Variants in PCBP3 observed in about 807,000 individuals in gnomAD.
PCBP3 encodes poly(rC)-binding protein 3.
A neutral mutation model predicts 52.7 loss-of-function variants in PCBP3; 25 were observed. That is an observed-to-expected ratio of 0.47 (90% CI 0.35 to 0.66). The LOEUF is 0.66. Ranked by LOEUF, PCBP3 falls within the 30% of genes least tolerant of loss-of-function variation. The probability of loss-of-function intolerance (pLI) is 0.01; values close to 1 mark genes in which losing one functional copy is unlikely to be tolerated. For synonymous variants in PCBP3, 162 were observed against 183.0 expected, an observed-to-expected ratio of 0.89 and a Z score of 0.93; for missense variants, 391 against 490.3, an observed-to-expected ratio of 0.80 and a Z score of 1.91.
At chr21:45,781,040 G>A (rs776041011) in intron 4 of PCBP3, among the ~76,000 whole-genome samples, 1 of 152,156 alleles carries the variant, frequency 6.6e-6, no homozygotes, top group Non-Finnish European at 1.5e-5. Context: ...TGATCACCAG[G>A]AGGCTGTGGT....
chr21:45,899,902 G>A (rs897272935), intron 7 of PCBP3, among the ~76,000 whole-genome samples: 1 of 152,178 alleles, frequency 6.6e-6, no homozygotes, highest in African/African-American at 2.4e-5. Context: ...CTTCTTTCCC[G>A]GTTGAAGACC....
intron 1 of PCBP3, among the ~76,000 whole-genome samples, chr21:45,668,025 A>G (rs75056298): frequency 0.028 from 4,214 of 152,222 alleles, 188 homozygotes; most frequent in African/African-American, 0.09. Flanking sequence ...GACTTTCCCA[A>G]GAGACCCCAT....
chr21:45,644,187 T>C (rs1396731241), intron 1 of PCBP3, among the ~76,000 whole-genome samples: 1 of 151,554 alleles, frequency 6.6e-6, no homozygotes, highest in Non-Finnish European at 1.5e-5. Context: ...AGAAAACGTC[T>C]GGACTACTTG....
intron 5 of PCBP3, among the ~76,000 whole-genome samples, chr21:45,877,829 G>A (rs780940125): frequency 3.3e-5 from 5 of 152,210 alleles, no homozygotes; most frequent in Non-Finnish European, 7.3e-5. Context: ...TTTGATTCTG[G>A]TCAAATGGAG....
chr21:45,763,102 T>C (rs2838992), intron 4 of PCBP3: 27,828 of 152,238 alleles, frequency 0.18, 2,703 homozygotes, highest in Middle Eastern at 0.33. Context: ...GTTTGGTCAC[T>C]GGAGCAGCAG....
intron 3 of PCBP3, among the ~76,000 whole-genome samples, chr21:45,739,996 C>G (rs2086300526): frequency 6.6e-6 from 1 of 152,216 alleles, no homozygotes; most frequent in African/African-American, 2.4e-5. Context: ...TTGCCTAGTC[C>G]CAGCAGCACC....
At chr21:45,738,361 T>G (rs893971520) in intron 3 of PCBP3, among the ~76,000 whole-genome samples, 6 of 151,472 alleles carry the variant, frequency 4.0e-5, no homozygotes, top group African/African-American at 1.5e-4. Context: ...TTCACGCCAT[T>G]CTCCTACCTC....
At chr21:45,673,608 C>T (rs904966310) in intron 2 of PCBP3, 2 of 152,112 alleles carry the variant, frequency 1.3e-5, no homozygotes, top group African/African-American at 4.8e-5. Flanking sequence ...GAAGTGAATA[C>T]CTGGCCTGAG....
chr21:45,930,201 G>A (rs2076004270), intron 14 of PCBP3, among the ~76,000 whole-genome samples: 2 of 152,286 alleles, frequency 1.3e-5, no homozygotes, highest in East Asian at 3.9e-4. Flanking sequence ...CCACTGTTGG[G>A]GGCTGGTTCA....
intron 4 of PCBP3, among the ~76,000 whole-genome samples, chr21:45,815,401 A>G (rs1198511713): frequency 3.1e-5 from 2 of 63,868 alleles, no homozygotes; most frequent in Admixed American, 1.5e-4. Context: ...GTGAGTGGTG[A>G]GTGAGTGGTG....
intron 2 of PCBP3, among the ~76,000 whole-genome samples, chr21:45,698,962 C>T (rs1367793339): frequency 6.6e-6 from 1 of 152,164 alleles, no homozygotes; most frequent in Admixed American, 6.5e-5. Context: ...TATTCAGAAT[C>T]CTCTGTGAAC....
chr21:45,754,189 G>A (rs978418858), intron 3 of PCBP3, among the ~76,000 whole-genome samples: 2 of 151,876 alleles, frequency 1.3e-5, no homozygotes, highest in African/African-American at 4.8e-5. Flanking sequence ...GAAAAAGCTC[G>A]GACTACAAGT....
intron 4 of PCBP3, chr21:45,828,154 T>C (rs932541244): frequency 4.6e-5 from 7 of 152,238 alleles, no homozygotes; most frequent in African/African-American, 1.7e-4. Context: ...TGGCCAAGAC[T>C]TCAGGGGGTG....
At chr21:45,739,705 A>C (rs1397412166) in intron 3 of PCBP3, among the ~76,000 whole-genome samples, 3 of 117,664 alleles carry the variant, frequency 2.5e-5, no homozygotes, top group Non-Finnish European at 3.4e-5. Context: ...CCCCATCTTC[A>C]TCAGCCCACC....
intron 16 of PCBP3, among the ~76,000 whole-genome samples, chr21:45,939,331 G>A (rs1037402751): frequency 1.6e-4 from 24 of 152,150 alleles, no homozygotes; most frequent in Non-Finnish European, 2.8e-4. Flanking sequence ...AGTTGTCCCC[G>A]ACGCCCCTCA....
chr21:45,902,955 GTCA>G (rs1453480346), intron 9 of PCBP3, among the ~76,000 whole-genome samples: 6 of 152,254 alleles, frequency 3.9e-5, no homozygotes, highest in African/African-American at 1.4e-4. Context: ...GGGACACTCA[GTCA>G]TCCCTTCCAC....
At chr21:45,905,527 G>C (rs549143247) in intron 9 of PCBP3, among the ~76,000 whole-genome samples, 4 of 152,260 alleles carry the variant, frequency 2.6e-5, no homozygotes, top group Admixed American at 1.3e-4. Context: ...TGCTTGGGCT[G>C]CCATTGCAAA....
rs1326086831 is a variant in PCBP3, at chr21:45,837,721, T to C, written c.-125-12240T>C. On this transcript the variant is annotated intron_variant, in intron 4 of 17. Coordinates refer to ENST00000681687, the MANE Select transcript of PCBP3 (RefSeq NM_001384156.1). This position sits in a 1 kb window ranked among gnomAD's most constrained non-coding sequence, Gnocchi z 4.1. ...TATTTTTCCTGTGAGGCGAGCGAGC[T>C]TCCTAGGTGGCACTGCACGTTGCAC... Among the ~76,000 whole-genome samples the C allele has an allele frequency of 6.6e-6, 1 of 152,178 alleles. No individual in the cohort carries two copies. Among genetic ancestry groups the C allele is most frequent in the Admixed American group, 6.5e-5 (1 of 15,286 alleles).
At chr21:45,811,331 C>T (rs1049989956) in intron 4 of PCBP3, among the ~76,000 whole-genome samples, 3 of 152,384 alleles carry the variant, frequency 2.0e-5, no homozygotes, top group African/African-American at 7.2e-5. Flanking sequence ...GGGGAGGACT[C>T]ACCTCCTTGC....
Sources: allele counts gnomAD v4.1 joint callset (sites outside exome capture counted in the v4.1 genomes callset), GRCh38; gene constraint gnomAD v4.1.1; non-coding constraint Gnocchi (gnomAD v3.1); transcripts MANE v1.5; gene names NCBI Gene and HGNC (gene_info 2026-07-23, HGNC 2026-07-21).